MYH1: variants seen among roughly 807,000 people sequenced by gnomAD.
MYH1 encodes the protein myosin-1.
In MYH1, 214 loss-of-function variants were observed where a neutral mutation model predicts 225.6. The ratio of observed to expected loss-of-function variants is 0.95; its 90% CI spans 0.85 to 1.06. The LOEUF (loss-of-function observed/expected upper bound fraction) is 1.06, where lower values mean the gene tolerates loss of function less well. MYH1 is among the 50% of genes least tolerant of loss of function. The pLI is 0.00. For missense variants in MYH1, 2,098 were observed against 2,344.2 expected, an observed-to-expected ratio of 0.89 and a Z score of 2.17; for synonymous variants, 774 against 842.3, an observed-to-expected ratio of 0.92 and a Z score of 1.40.
Position 10,494,339 on chromosome 17 carries a change from G to A in MYH1, c.5667+15C>T, listed in dbSNP as rs1597433262. 1 of 1,610,690 alleles carries A rather than the reference G, an allele frequency of 6.2e-7. No homozygotes were observed. Among genetic ancestry groups the A allele is most frequent in the Non-Finnish European group, 8.5e-7 (1 of 1,178,394 alleles). ...CATGTCTGAGAAAAATCACCCCAAG[G>A]GGTTGTGAACTCACCGCTTCTTCAG... On this transcript the variant is annotated intron_variant, in intron 39 of 39. Transcript: ENST00000226207.
At position 10,516,261 on chromosome 17, in the gene MYH1, G is replaced by T; in HGVS notation, c.286C>A (p.His96Asn). ...TACAGCACAGCAGGCTCGTGTAGAT[G>T]AGTCATCATGGCCATGTCCTCGATC... ...DKIEDMAMMT[H>N]LHEPAVLYNL... Residue 96 changes from histidine to asparagine, a missense_variant, in exon 4 of 40, where the codon CAT (histidine) becomes AAT (asparagine). Physicochemically the swap from His to Asn is moderately conservative, Grantham distance 68 (BLOSUM62 1). Coordinates refer to ENST00000226207, the MANE Select transcript of MYH1 (RefSeq NM_005963.4). 2 of 1,613,820 alleles carry T rather than the reference G, an allele frequency of 1.2e-6. No homozygotes were observed. Among genetic ancestry groups the T allele is most frequent in the Non-Finnish European group, 1.7e-6 (2 of 1,179,932 alleles).
Position 10,497,463 on chromosome 17 carries a change from A to G in MYH1, c.4366-11T>C. On this transcript the variant is annotated splice_polypyrimidine_tract_variant and intron_variant, in intron 31 of 39. Transcript: ENST00000226207. Reference sequence around the variant, plus strand: ...CCATTCTGCCAGGATCTGAAGGTCAAGGAATGGACAAGAAATTTAGTGGAC... The same window carrying G: ...CCATTCTGCCAGGATCTGAAGGTCAGGGAATGGACAAGAAATTTAGTGGAC... 6.3e-7 allele frequency: 1 copy of G among 1,592,366 alleles called. No individual in the cohort carries two copies. Among genetic ancestry groups the G allele is most frequent in the Non-Finnish European group, 8.5e-7 (1 of 1,175,004 alleles).
At position 10,506,245 on chromosome 17, in the gene MYH1, T is replaced by C. The variant is rs567699346; in HGVS notation, c.1969-146A>G. 3.3e-5 allele frequency: 34 copies of C among 1,039,798 alleles called. No individual in the cohort carries two copies. The African/African-American group carries it at 3.4e-4, about 10-fold the overall frequency. 64.4% of individuals were successfully genotyped at this position (1,039,798 alleles called of 1,614,324 possible). ...AATTTTCAAAGAGTTATCTCTGGAA[T>C]TTCCACATTCCTAATATGTCCCCCT... On this transcript the variant is annotated intron_variant, in intron 17 of 39. Coordinates refer to ENST00000226207, the MANE Select transcript of MYH1 (RefSeq NM_005963.4).
rs1277021554 is a variant in MYH1 at position 10,507,916 on chromosome 17, A to C, written c.1938T>G (p.Ser646=). 1.2e-6 allele frequency: 2 copies of C among 1,613,926 alleles called. No individual in the cohort carries two copies. Among genetic ancestry groups the C allele is most frequent in the East Asian group, 4.5e-5 (2 of 44,886 alleles). Residue 646 remains serine (S), a synonymous_variant, in exon 17 of 40, where the codon TCT becomes TCG. Coordinates refer to ENST00000226207, the MANE Select transcript of MYH1 (RefSeq NM_005963.4). The part of the protein sequence containing the change: ...GGKKGGKKKG[S]SFQTVSALFR... Reference sequence around the variant, plus strand: ...AGAGAGCAGACACAGTCTGGAAAGAAGAACCCTTCTTCTTACCACCTTTCT... The same window carrying C: ...AGAGAGCAGACACAGTCTGGAAAGACGAACCCTTCTTCTTACCACCTTTCT...
Position 10,512,902 on chromosome 17 carries a change from T to TA in MYH1, c.868dup (p.Tyr290LeufsTer6), listed in dbSNP as rs545765873. The TA allele has an allele frequency of 1.5e-3, 2,367 of 1,613,698 alleles. 5 individuals are homozygous for TA. Among genetic ancestry groups the TA allele is most frequent in the South Asian group, 2.9e-3 (266 of 91,064 alleles). On this transcript the variant is annotated frameshift_variant, in exon 10 of 40. Transcript: ENST00000226207. LOFTEE classifies it high-confidence loss of function. ...TGGCTTCTTGTTAGACATGATCTGA[T>TA]AAAAAATATGATAGCTTCTTTCAGC... is the stretch of plus-strand genomic sequence containing the variant.
At chr17:10,514,424 A>G (rs1009785863) in intron 6 of MYH1, among the ~76,000 whole-genome samples, 1 of 152,204 alleles carries the variant, frequency 6.6e-6, no homozygotes, top group Non-Finnish European at 1.5e-5. Flanking sequence ...GAATGGAACA[A>G]TTAGTAGGAA....
intron 16 of MYH1, 70 bp from the exon 17 acceptor site, chr17:10,508,026 T>A (rs1282097725): frequency 1.5e-6 from 2 of 1,372,204 alleles, no homozygotes; most frequent in Non-Finnish European, 2.0e-6. Flanking sequence ...TTGTTTTTTT[T>A]TGTTTTTTTT....
Position 10,496,390 on chromosome 17 carries a change from C to G in MYH1, c.4816G>C (p.Asp1606His), listed in dbSNP as rs780086960. Residue 1606 changes from aspartate to histidine, a missense_variant, in exon 34 of 40, where the codon GAT becomes CAT. Physicochemically the swap from Asp to His is moderately conservative, Grantham distance 81 (BLOSUM62 -1). Transcript: ENST00000226207. ...RIVESMQSTL[D>H]AEIRSRNDAI... Reference sequence around the variant, plus strand: ...TCATTCCTGCTCCTGATCTCAGCATCCAGTGTGCTCTGCATGGACTCCACG... The same window carrying G: ...TCATTCCTGCTCCTGATCTCAGCATGCAGTGTGCTCTGCATGGACTCCACG... The G allele has an allele frequency of 6.2e-7, 1 of 1,614,000 alleles. No individual in the cohort carries two copies. Among genetic ancestry groups the G allele is most frequent in the Non-Finnish European group, 8.5e-7 (1 of 1,180,002 alleles).
At chr17:10,515,359 G>A (rs2073214853) in intron 5 of MYH1, among the ~76,000 whole-genome samples, 1 of 152,190 alleles carries the variant, frequency 6.6e-6, no homozygotes, top group Non-Finnish European at 1.5e-5. Flanking sequence ...GATGAGGTAA[G>A]AGAGGATGCC....
In MYH1 at chr17:10,492,496, C is replaced by A; in HGVS notation, c.5740G>T (p.Ala1914Ser). ...QHELEEAEER[A>S]DIAESQVNKL... Reference sequence around the variant, plus strand: ...TTGACCTGGGACTCAGCAATGTCAGCCCGTTCCTCGGCCTCCTCCAGCTCG... The same window carrying A: ...TTGACCTGGGACTCAGCAATGTCAGACCGTTCCTCGGCCTCCTCCAGCTCG... The change falls in exon 40 of 40, where the codon GCT becomes TCT. Residue 1914 changes from alanine (A) to serine (S), a missense_variant. Coordinates refer to ENST00000226207, the MANE Select transcript of MYH1 (RefSeq NM_005963.4). 1 of 1,614,140 alleles carries A rather than the reference C, an allele frequency of 6.2e-7. No homozygotes were observed. The highest frequency in any genetic ancestry group is 8.5e-7 in the Non-Finnish European group (1 of 1,180,000).
rs2073093364 is a variant in MYH1, at chr17:10,504,882, T to G, written c.2619A>C (p.Lys873Asn). The G allele has an allele frequency of 1.2e-6, 2 of 1,614,046 alleles. No individual in the cohort carries two copies. Among genetic ancestry groups the G allele is most frequent in the Non-Finnish European group, 1.7e-6 (2 of 1,180,036 alleles). Residue 873 changes from lysine (K) to asparagine (N), a missense_variant, in exon 22 of 40, where the codon AAA becomes AAC. Transcript: ENST00000226207. ...TKEELAKTEA[K>N]RKELEEKMVT... ...CCATTTTTTCTTCCAGCTCTTTCCT[T>G]TTTGCCTCGGTCTTAGCCAGCTCTT...
intron 14 of MYH1, among the ~76,000 whole-genome samples, chr17:10,510,258 C>T (rs2073158191): frequency 1.3e-5 from 2 of 152,026 alleles, no homozygotes; most frequent in African/African-American, 4.8e-5. Flanking sequence ...TAGATCTGAG[C>T]CATTATGGTC....
intron 30 of MYH1, 91 bp downstream of exon 30, chr17:10,498,535 A>G (rs913846810): frequency 1.1e-5 from 17 of 1,549,938 alleles, no homozygotes; most frequent in South Asian, 2.3e-5. Flanking sequence ...ATATGGCTGT[A>G]TATGGTCCCA....
At chr17:10,513,523 G>C in intron 9 of MYH1, 103 bp downstream of exon 9, 1 of 1,133,596 alleles carries the variant, frequency 8.8e-7, no homozygotes, top group Non-Finnish European at 1.3e-6. Flanking sequence ...TTTGGCAGCA[G>C]ACTGGTGCTT....
At chr17:10,501,083 AT>A in intron 27 of MYH1, 26 bp downstream of exon 27, 2 of 1,607,172 alleles carry the variant, frequency 1.2e-6, no homozygotes, top group Non-Finnish European at 1.7e-6. Flanking sequence ...AAAAAACCAA[AT>A]AATCAATGTG....
chr17:10,509,173 A>G (rs1042991185), intron 15 of MYH1, among the ~76,000 whole-genome samples: 14 of 152,190 alleles, frequency 9.2e-5, no homozygotes, highest in Non-Finnish European at 1.5e-4. Context: ...TGAATGCAGT[A>G]ATAATGACTT....
In MYH1 at chr17:10,500,752, C is replaced by T. The variant is rs2073045554; in HGVS notation, c.3739G>A (p.Gly1247Arg). 6.2e-7 allele frequency: 1 copy of T among 1,613,898 alleles called. No individual in the cohort carries two copies. The highest frequency in any genetic ancestry group is 8.5e-7 in the Non-Finnish European group (1 of 1,180,002). ...GCGCGGCACATCTTTTCAAGGTTTCCCTGCATTCAAAAAGTGGTAGAAGGC... is the reference window on the plus strand; with the variant it reads ...GCGCGGCACATCTTTTCAAGGTTTCTCTGCATTCAAAAAGTGGTAGAAGGC... Reference protein sequence around the residue: ...SNMETVSKAKGNLEKMCRALE... With the variant: ...SNMETVSKAKRNLEKMCRALE... The change falls in exon 28 of 40, where the codon GGA (glycine) becomes AGA (arginine). Residue 1247 changes from glycine (G) to arginine (R), a missense_variant and splice_region_variant. Physicochemically the swap from Gly to Arg is moderately radical, Grantham distance 125. Coordinates refer to ENST00000226207, the MANE Select transcript of MYH1 (RefSeq NM_005963.4).
intron 17 of MYH1, among the ~76,000 whole-genome samples, chr17:10,507,447 TC>T (rs1468875889): frequency 6.6e-6 from 1 of 152,188 alleles, no homozygotes; most frequent in Non-Finnish European, 1.5e-5. Flanking sequence ...CCACCACTGT[TC>T]TATCTTATAG....
chr17:10,514,714 G>A (rs565420682), intron 6 of MYH1, among the ~76,000 whole-genome samples, 154 bp downstream of exon 6: 1 of 152,266 alleles, frequency 6.6e-6, no homozygotes, highest in South Asian at 2.1e-4. Flanking sequence ...ACATTCTAAT[G>A]CAATGTAAAC....
Sources: allele counts gnomAD v4.1 joint callset (sites outside exome capture counted in the v4.1 genomes callset), GRCh38; gene constraint gnomAD v4.1.1; transcripts MANE v1.5; gene names NCBI Gene and HGNC (gene_info 2026-07-23, HGNC 2026-07-21).